The following CAPZA2 variants were observed in gnomAD, a reference collection of about 807,000 sequenced individuals.
CAPZA2 encodes the protein F-actin-capping protein subunit alpha-2.
Under a neutral mutation model 44.0 loss-of-function variants are expected in CAPZA2, and 13 were observed. The ratio of observed to expected loss-of-function variants is 0.30; its 90% confidence interval spans 0.19 to 0.47. The LOEUF (loss-of-function observed/expected upper bound fraction) is 0.47. Among genes scored for constraint, CAPZA2 ranks in the 20% least tolerant of loss-of-function variants. CAPZA2 has a pLI of 1.00. For synonymous variants in CAPZA2, 94 were observed against 108.2 expected, an observed-to-expected ratio of 0.87 and a Z score of 0.81; for missense variants, 244 against 338.6, an observed-to-expected ratio of 0.72 and a Z score of 2.19.
chr7:116,872,738 T>C (rs1161565390), intron 1 of CAPZA2, among the ~76,000 whole-genome samples: 1 of 152,242 alleles, frequency 6.6e-6, no homozygotes, highest in Non-Finnish European at 1.5e-5. Flanking sequence ...AGTGGAAAAG[T>C]GCATAGTGGC....
chr7:116,869,902 C>T (rs1212948955), intron 1 of CAPZA2, among the ~76,000 whole-genome samples: 3 of 152,132 alleles, frequency 2.0e-5, no homozygotes, highest in Non-Finnish European at 4.4e-5. Flanking sequence ...CGGAGTGTTA[C>T]TCTGTCACCT....
chr7:116,892,695 G>A (rs926376313), intron 2 of CAPZA2, among the ~76,000 whole-genome samples: 3 of 151,786 alleles, frequency 2.0e-5, no homozygotes, highest in Non-Finnish European at 2.9e-5. Flanking sequence ...GTTGGATTGC[G>A]TTCAGAGCTA....
intron 9 of CAPZA2, among the ~76,000 whole-genome samples, chr7:116,916,634 AAAG>A (rs961684660): frequency 2.0e-5 from 3 of 152,220 alleles, no homozygotes; most frequent in Non-Finnish European, 4.4e-5. Context: ...CAAAAAAAAA[AAAG>A]ACTAGGTTTT....
At chr7:116,882,773 CAA>C (rs1209449764) in intron 1 of CAPZA2, among the ~76,000 whole-genome samples, 16 of 152,228 alleles carry the variant, frequency 1.1e-4, no homozygotes, top group Admixed American at 3.9e-4. Context: ...TATTTGGAAT[CAA>C]GAGAAAAAAT....
intron 1 of CAPZA2, among the ~76,000 whole-genome samples, chr7:116,871,203 A>G (rs1381333153): frequency 6.6e-6 from 1 of 152,200 alleles, no homozygotes; most frequent in African/African-American, 2.4e-5. Flanking sequence ...AGAGAGACCT[A>G]AAGGTGAGGA....
At chr7:116,892,594 A>T (rs1796861840) in intron 2 of CAPZA2, among the ~76,000 whole-genome samples, 1 of 152,084 alleles carries the variant, frequency 6.6e-6, no homozygotes, top group Admixed American at 6.5e-5. Context: ...GAAGAAGAAG[A>T]ATTGTCTTGG....
intron 9 of CAPZA2, among the ~76,000 whole-genome samples, chr7:116,916,556 G>A (rs1191396417): frequency 6.6e-6 from 1 of 152,110 alleles, no homozygotes; most frequent in African/African-American, 2.4e-5. Flanking sequence ...AACCTGAGAG[G>A]CAGAGGTTGC....
At chr7:116,893,144 G>A in intron 3 of CAPZA2, 99 bp downstream of exon 3, 2 of 723,674 alleles carry the variant, frequency 2.8e-6, no homozygotes, top group East Asian at 5.8e-5. Flanking sequence ...TTTTTGTTTT[G>A]TTTTGAGATG....
chr7:116,897,157 A>G (rs944569236), intron 3 of CAPZA2, among the ~76,000 whole-genome samples: 1 of 152,100 alleles, frequency 6.6e-6, no homozygotes, highest in Non-Finnish European at 1.5e-5. Context: ...CCTGGGCCCA[A>G]TTTACTGTTT....
At chr7:116,890,077 T>G (rs1389322544) in intron 2 of CAPZA2, among the ~76,000 whole-genome samples, 2 of 152,186 alleles carry the variant, frequency 1.3e-5, no homozygotes, top group Admixed American at 6.5e-5. Context: ...CCAATTACAA[T>G]TCACAGAGCC....
At position 116,915,251 on chromosome 7, in the gene CAPZA2, C is replaced by CA. The variant is rs1791664668; in HGVS notation, c.658-807dup. On this transcript the variant is annotated intron_variant, in intron 8 of 9. Transcript: ENST00000361183. Reference sequence around the variant, plus strand: ...CTGGGAGGCGGAGATTACAGTGAGCCAAGATCACACTGCTGCACTCCAGCC... The same window carrying CA: ...CTGGGAGGCGGAGATTACAGTGAGCCAAAGATCACACTGCTGCACTCCAGCC... Among the ~76,000 whole-genome samples the CA allele has an allele frequency of 2.0e-5, 3 of 151,340 alleles. No individual in the cohort carries two copies. In the South Asian group the frequency reaches 6.2e-4, roughly 31 times the overall value.
chr7:116,912,408 A>G (rs1404703992), intron 8 of CAPZA2, among the ~76,000 whole-genome samples: 1 of 151,892 alleles, frequency 6.6e-6, no homozygotes, highest in Admixed American at 6.6e-5. Context: ...AGCAGTCACC[A>G]CAATCTAATT....
In CAPZA2 at chr7:116,915,574, G is replaced by A. The variant is rs1791669097; in HGVS notation, c.658-486G>A. The A allele has an allele frequency of 2.7e-5, 4 of 149,596 alleles. No individual in the cohort carries two copies. The South Asian group carries it at 8.5e-4, about 32-fold the overall frequency. The allele number at this position is 149,596 out of a possible 1,614,324, so 9.3% of individuals were successfully genotyped here. On this transcript the variant is annotated intron_variant, in intron 8 of 9. Transcript: ENST00000361183. ...CTGTTAACTTTACTGTTAGGAAAAA[G>A]CAAACAAACCCATCTATTGGCATGT...
chr7:116,895,964 T>C (rs1245563431), intron 3 of CAPZA2, among the ~76,000 whole-genome samples: 1 of 152,130 alleles, frequency 6.6e-6, no homozygotes, highest in Non-Finnish European at 1.5e-5. Flanking sequence ...CATCCAAAAC[T>C]ACGTAACAAA....
intron 2 of CAPZA2, among the ~76,000 whole-genome samples, chr7:116,892,054 A>T (rs895884755): frequency 5.3e-5 from 8 of 152,232 alleles, no homozygotes; most frequent in Non-Finnish European, 1.2e-4. Flanking sequence ...CATAAATATG[A>T]TAATATACAT....
At chr7:116,914,051 G>A (rs1452230185) in intron 8 of CAPZA2, among the ~76,000 whole-genome samples, 22 of 139,466 alleles carry the variant, frequency 1.6e-4, no homozygotes, top group Non-Finnish European at 2.6e-4. Flanking sequence ...TTTTTGAGAC[G>A]GAGTCTCGCT....
chr7:116,908,865 A>T (rs954231906), intron 6 of CAPZA2, among the ~76,000 whole-genome samples: 8 of 152,176 alleles, frequency 5.3e-5, no homozygotes, highest in Non-Finnish European at 1.2e-4. Context: ...TTATAAAATT[A>T]TCTGTTATTT....
chr7:116,893,232 G>A (rs796819891), intron 3 of CAPZA2, among the ~76,000 whole-genome samples, 187 bp downstream of exon 3: 7 of 152,226 alleles, frequency 4.6e-5, no homozygotes, highest in African/African-American at 1.7e-4. Context: ...CCGGGTACAA[G>A]CGATTCTTCT....
At chr7:116,875,892 A>C (rs907295693) in intron 1 of CAPZA2, 2 of 152,044 alleles carry the variant, frequency 1.3e-5, no homozygotes, top group African/African-American at 4.8e-5. Context: ...CAAAGTTCTG[A>C]TCATTATTTT....
Sources: gnomAD v4.1 joint callset for allele counts (sites outside exome capture counted in the v4.1 genomes callset) on GRCh38, gnomAD v4.1.1 for gene constraint, MANE v1.5 for transcripts, NCBI Gene and HGNC (gene_info 2026-07-23, HGNC 2026-07-21) for gene names.